VPS26B: variants seen among roughly 807,000 people sequenced by gnomAD.
VPS26B encodes the protein vacuolar protein sorting-associated protein 26B.
A neutral mutation model predicts 33.3 loss-of-function variants in VPS26B; 10 were observed. That is an observed-to-expected ratio of 0.30 (90% CI 0.19 to 0.51). VPS26B has a LOEUF of 0.51. VPS26B is among the 20% of genes least tolerant of loss of function. The probability of loss-of-function intolerance (pLI) is 0.98; values close to 1 mark genes in which losing one functional copy is unlikely to be tolerated. For missense variants in VPS26B, 317 were observed against 452.7 expected (o/e 0.70, Z 2.72); for synonymous variants, 190 against 176.9 (o/e 1.07, Z -0.59).
At chr11:134,241,698 G>A (rs1305516198) in intron 3 of VPS26B, among the ~76,000 whole-genome samples, 1 of 152,212 alleles carries the variant, frequency 6.6e-6, no homozygotes, top group Non-Finnish European at 1.5e-5. Context: ...AGCTAGTGTG[G>A]AAAAGGTGCT....
chr11:134,245,731 A>C lies in VPS26B; in HGVS notation c.*141A>C. 8.3e-7 allele frequency: 1 copy of C among 1,207,222 alleles called. No homozygotes were observed. Among genetic ancestry groups the C allele is most frequent in the South Asian group, 1.6e-5 (1 of 62,932 alleles). The allele number at this position is 1,207,222 out of a possible 1,614,324, so 74.8% of individuals were successfully genotyped here. On this transcript the variant is annotated 3_prime_UTR_variant, in exon 6 of 6. Transcript: ENST00000281187. This position sits in a 1 kb window ranked among gnomAD's most constrained non-coding sequence, Gnocchi z 4.7. ...GAAAACAAATCATGTTTTTGACTTAAATTCTTTTCTCTGGAGAACCCAAGG... is the reference window on the plus strand; with the variant it reads ...GAAAACAAATCATGTTTTTGACTTACATTCTTTTCTCTGGAGAACCCAAGG...
intron 2 of VPS26B, among the ~76,000 whole-genome samples, chr11:134,236,107 C>T (rs1938628077): frequency 6.6e-6 from 1 of 151,644 alleles, no homozygotes; most frequent in South Asian, 2.1e-4. Context: ...GCCAGGAATT[C>T]GACACCAGCC....
intron 2 of VPS26B, among the ~76,000 whole-genome samples, chr11:134,239,130 G>A (rs1938680045): frequency 1.3e-5 from 2 of 152,160 alleles, no homozygotes; most frequent in African/African-American, 4.8e-5. Context: ...ACCCTTCAGG[G>A]CTGTGTCTCT....
chr11:134,231,230 T>G (rs1302782126), intron 1 of VPS26B, among the ~76,000 whole-genome samples: 5 of 152,254 alleles, frequency 3.3e-5, no homozygotes, highest in East Asian at 1.9e-4. Context: ...TCTGGATTTT[T>G]TTTTTTTTTT....
intron 1 of VPS26B, among the ~76,000 whole-genome samples, chr11:134,233,300 C>T (rs902821716): frequency 3.3e-5 from 5 of 152,280 alleles, no homozygotes; most frequent in South Asian, 4.1e-4. Context: ...GAGTGTGCTC[C>T]GCCTGCTCTG....
At chr11:134,230,900 A>C (rs1482447162) in intron 1 of VPS26B, among the ~76,000 whole-genome samples, 1 of 152,212 alleles carries the variant, frequency 6.6e-6, no homozygotes, top group Non-Finnish European at 1.5e-5. Context: ...GTGTTCTAAC[A>C]ATGCCAACAC....
In VPS26B at chr11:134,244,381, C is replaced by T. The variant is rs1231578558; in HGVS notation, c.722-557C>T. Reference sequence around the variant, plus strand: ...ATCTGTAGTATCACGCAGTCCGATTCTCTAATTTTCCACATGAGAAAATGA... The same window carrying T: ...ATCTGTAGTATCACGCAGTCCGATTTTCTAATTTTCCACATGAGAAAATGA... On this transcript the variant is annotated intron_variant, in intron 4 of 5. Transcript: ENST00000281187. This position sits in a 1 kb window ranked among gnomAD's most constrained non-coding sequence, Gnocchi z 4.0. 6.6e-6 allele frequency: 1 copy of T among 152,524 alleles called. No homozygotes were observed. The highest frequency in any genetic ancestry group is 2.4e-5 in the African/African-American group (1 of 41,446). 9.4% of individuals were successfully genotyped at this position (152,524 alleles called of 1,614,324 possible). A position where few individuals can be genotyped will look rare whatever the true frequency, so the allele number is the denominator to read the frequency against.
At chr11:134,226,246 T>A (rs545275046) in intron 1 of VPS26B, among the ~76,000 whole-genome samples, 42 of 152,094 alleles carry the variant, frequency 2.8e-4, no homozygotes, top group African/African-American at 9.9e-4. Context: ...CCCCCAAAAA[T>A]TTTTTTGTAA....
Position 134,245,239 on chromosome 11 carries a change from T to G in VPS26B, c.864+159T>G, listed in dbSNP as rs1260879499. The stretch of plus-strand genomic sequence containing the variant: ...AGGATTCTCACCTGGCCTTAGAGTC[T>G]GCTTCCTCGGGCCTTCTCCTGCAAC... On this transcript the variant is annotated intron_variant, in intron 5 of 5. Transcript: ENST00000281187. This position sits in a 1 kb window ranked among gnomAD's most constrained non-coding sequence, Gnocchi z 4.7. Among the ~76,000 whole-genome samples the G allele has an allele frequency of 6.6e-6, 1 of 152,218 alleles. No homozygotes were observed. The highest frequency in any genetic ancestry group is 1.5e-5 in the Non-Finnish European group (1 of 68,040).
chr11:134,237,598 G>A (rs1938650938), intron 2 of VPS26B, among the ~76,000 whole-genome samples: 2 of 152,202 alleles, frequency 1.3e-5, no homozygotes, highest in Admixed American at 1.3e-4. Flanking sequence ...TTGAAGAAAG[G>A]GAGCACAAGG....
At chr11:134,225,795 TCCA>T (rs1468282168) in intron 1 of VPS26B, among the ~76,000 whole-genome samples, 2 of 152,050 alleles carry the variant, frequency 1.3e-5, no homozygotes, top group Non-Finnish European at 2.9e-5. Context: ...GTGAGGCTCG[TCCA>T]CCGAGCCCCA....
chr11:134,224,868 A>T lies in VPS26B; in HGVS notation c.-255A>T, dbSNP rs1168141591. The T allele has an allele frequency of 5.9e-6, 1 of 169,628 alleles. No individual in the cohort carries two copies. Among genetic ancestry groups the T allele is most frequent in the Admixed American group, 6.4e-5 (1 of 15,648 alleles). The allele number at this position is 169,628 out of a possible 1,614,324, so 10.5% of individuals were successfully genotyped here. ...GGACTGGCTGGGACTGGCTCGGCCG[A>T]GGGCACTGCTCCTCGGTGCATTGCT... On this transcript the variant is annotated 5_prime_UTR_variant, in exon 1 of 6. Coordinates refer to ENST00000281187, the MANE Select transcript of VPS26B (RefSeq NM_052875.5).
intron 1 of VPS26B, 24 bp downstream of exon 1, chr11:134,225,369 T>G: frequency 6.2e-7 from 1 of 1,609,514 alleles, no homozygotes; most frequent in Non-Finnish European, 8.5e-7. Context: ...CGGGACCCCC[T>G]CCCCCAGCGC....
chr11:134,241,971 C>T (rs572106806), intron 3 of VPS26B, among the ~76,000 whole-genome samples: 4 of 152,324 alleles, frequency 2.6e-5, no homozygotes, highest in Admixed American at 2.6e-4. Flanking sequence ...TCCTTAGACC[C>T]TCTGGCCTTC....
chr11:134,228,398 C>G (rs1438250294), intron 1 of VPS26B, among the ~76,000 whole-genome samples: 3 of 150,786 alleles, frequency 2.0e-5, no homozygotes, highest in African/African-American at 7.3e-5. Context: ...TCCTGAAATA[C>G]ACACATGGAC....
In VPS26B at chr11:134,240,024, CAAT is replaced by C. The variant is rs778654476; in HGVS notation, c.415_417del (p.Asn139del). On this transcript the variant is annotated inframe_deletion, in exon 3 of 6. Coordinates refer to ENST00000281187, the MANE Select transcript of VPS26B (RefSeq NM_052875.5). This position sits in a 1 kb window ranked among gnomAD's most constrained non-coding sequence, Gnocchi z 4.4. ...TTCGTGCTACCATCAGCCGCCGCCT[CAAT>C]GATGTTGTCAAAGAGATGGACATTG... 3.7e-6 allele frequency: 6 copies of C among 1,614,066 alleles called. No individual in the cohort carries two copies. The highest frequency in any genetic ancestry group is 1.7e-5 in the Admixed American group (1 of 60,002).
In VPS26B at chr11:134,245,692, G is replaced by C. The variant is rs1025146446; in HGVS notation, c.*102G>C. On this transcript the variant is annotated 3_prime_UTR_variant, in exon 6 of 6. Coordinates refer to ENST00000281187, the MANE Select transcript of VPS26B (RefSeq NM_052875.5). This position sits in a 1 kb window ranked among gnomAD's most constrained non-coding sequence, Gnocchi z 4.7. ...GGACCTTGTGAGGCTCAGTTGACCC[G>C]TTACTTGCAACCTGAAAACAAATCA... The C allele has an allele frequency of 7.3e-7, 1 of 1,371,950 alleles. No individual in the cohort carries two copies. Among genetic ancestry groups the C allele is most frequent in the Non-Finnish European group, 9.7e-7 (1 of 1,029,782 alleles). The allele number at this position is 1,371,950 out of a possible 1,614,324, so 85.0% of individuals were successfully genotyped here.
At chr11:134,241,350 G>A (rs560236234) in intron 3 of VPS26B, among the ~76,000 whole-genome samples, 58 of 152,320 alleles carry the variant, frequency 3.8e-4, no homozygotes, top group African/African-American at 1.3e-3. Context: ...TTGGAACAGG[G>A]TTGGAGGAAT....
Position 134,225,148 on chromosome 11 carries a change from G to T in VPS26B, c.26G>T (p.Ser9Ile). Residue 9 changes from serine (S) to isoleucine (I), a missense_variant, in exon 1 of 6, where the codon AGC becomes ATC. Coordinates refer to ENST00000281187, the MANE Select transcript of VPS26B (RefSeq NM_052875.5). MSFFGFGQSVEVEILLNDA... is the reference protein window; with the variant it reads MSFFGFGQIVEVEILLNDA... ...ATGAGCTTCTTCGGCTTCGGGCAGA[G>T]CGTGGAGGTGGAAATCCTTCTGAAC... 1.2e-6 allele frequency: 2 copies of T among 1,612,526 alleles called. No homozygotes were observed. Among genetic ancestry groups the T allele is most frequent in the Non-Finnish European group, 1.7e-6 (2 of 1,179,000 alleles).
Sources: allele counts gnomAD v4.1 joint callset (sites outside exome capture counted in the v4.1 genomes callset), GRCh38; gene constraint gnomAD v4.1.1; non-coding constraint Gnocchi (gnomAD v3.1); transcripts MANE v1.5; gene names NCBI Gene and HGNC (gene_info 2026-07-23, HGNC 2026-07-21).